The following EPAS1 variants were observed in gnomAD, a reference collection of about 807,000 sequenced individuals.
The protein encoded by EPAS1 is endothelial PAS domain-containing protein 1.
Under a neutral mutation model 87.9 loss-of-function variants are expected in EPAS1, and 23 were observed. That is an observed-to-expected ratio of 0.26 (90% CI 0.19 to 0.37). The LOEUF is 0.37. Among genes scored for constraint, EPAS1 ranks in the 10% least tolerant of loss-of-function variants. EPAS1 has a pLI of 1.00. For missense variants in EPAS1, 1,138 were observed against 1,120.7 expected (o/e 1.02, Z -0.22); for synonymous variants, 508 against 444.3 (o/e 1.14, Z -1.80).
chr2:46,299,830 A>AGT (rs1426170999), intron 1 of EPAS1, among the ~76,000 whole-genome samples: 1 of 152,174 alleles, frequency 6.6e-6, no homozygotes, highest in Non-Finnish European at 1.5e-5. Flanking sequence ...TTGGAAAGAG[A>AGT]GAAGAAGCGG....
chr2:46,363,755 T>G (rs79480530), intron 6 of EPAS1, among the ~76,000 whole-genome samples: 2 of 152,314 alleles, frequency 1.3e-5, no homozygotes, highest in East Asian at 3.9e-4. Context: ...GCTTATAAGT[T>G]CTGCGAGACA....
At chr2:46,354,941 G>T (rs1438444806) in intron 2 of EPAS1, among the ~76,000 whole-genome samples, 1 of 152,138 alleles carries the variant, frequency 6.6e-6, no homozygotes, top group African/African-American at 2.4e-5. Flanking sequence ...TGGTTCAGAA[G>T]GCCCTTCTTG....
intron 1 of EPAS1, among the ~76,000 whole-genome samples, chr2:46,310,285 T>A (rs1395143719): frequency 6.6e-6 from 1 of 152,208 alleles, no homozygotes; most frequent in Non-Finnish European, 1.5e-5. Flanking sequence ...CATTATTTGA[T>A]AAGGCTCTCA....
chr2:46,384,709 C>G lies in EPAS1; in HGVS notation c.*49C>G. ...ACCTCTGCCGACGCCGTCCCACCAGCTTCACTCTCTCCGTCTGTTTTTGCA... is the reference window on the plus strand; with the variant it reads ...ACCTCTGCCGACGCCGTCCCACCAGGTTCACTCTCTCCGTCTGTTTTTGCA... On this transcript the variant is annotated 3_prime_UTR_variant, in exon 16 of 16. Transcript: ENST00000263734. The G allele has an allele frequency of 6.2e-7, 1 of 1,602,852 alleles. No homozygotes were observed. The highest frequency in any genetic ancestry group is 8.5e-7 in the Non-Finnish European group (1 of 1,176,240).
intron 1 of EPAS1, among the ~76,000 whole-genome samples, chr2:46,328,706 C>T (rs1335660826): frequency 6.6e-6 from 1 of 152,210 alleles, no homozygotes; most frequent in Non-Finnish European, 1.5e-5. Flanking sequence ...TCAGAACGTA[C>T]CTTCAGCAAT....
intron 4 of EPAS1, 23 bp downstream of exon 4, chr2:46,356,831 C>A (rs774555938): frequency 6.4e-7 from 1 of 1,555,584 alleles, no homozygotes; most frequent in South Asian, 1.1e-5. Context: ...GTGTTTACTT[C>A]CTTCTTGCCC....
At chr2:46,327,061 T>G (rs1683577174) in intron 1 of EPAS1, among the ~76,000 whole-genome samples, 1 of 152,230 alleles carries the variant, frequency 6.6e-6, no homozygotes. Context: ...GGTCTCAGCT[T>G]CAGGACCAGC....
chr2:46,318,249 A>G (rs1486959321), intron 1 of EPAS1, among the ~76,000 whole-genome samples: 1 of 152,118 alleles, frequency 6.6e-6, no homozygotes, highest in East Asian at 1.9e-4. Flanking sequence ...CAGAACACAC[A>G]CAACATTTAT....
Position 46,381,721 on chromosome 2 carries a change from G to T in EPAS1, c.2171G>T (p.Gly724Val). 6.2e-7 allele frequency: 1 copy of T among 1,613,800 alleles called. No homozygotes were observed. The highest frequency in any genetic ancestry group is 1.1e-5 in the South Asian group (1 of 91,076). Residue 724 changes from glycine to valine, a missense_variant and splice_region_variant, in exon 13 of 16, where the codon GGG (glycine) becomes GTG (valine). This residue lies in a region of EPAS1 where 502 missense variants were observed against 427.1 expected (regional missense o/e 1.18). Coordinates refer to ENST00000263734, the MANE Select transcript of EPAS1 (RefSeq NM_001430.5). ...GAGCAAGCCTTCCAGGACCTGAGCGGGGTGAGTCATCCCCACTGGCCACAG... is the reference window on the plus strand; with the variant it reads ...GAGCAAGCCTTCCAGGACCTGAGCGTGGTGAGTCATCCCCACTGGCCACAG... The part of the protein sequence containing the change: ...YEEQAFQDLS[G>V]GDPPGGSTSH...
intron 1 of EPAS1, among the ~76,000 whole-genome samples, chr2:46,318,057 G>A (rs1417057477): frequency 6.6e-6 from 1 of 152,158 alleles, no homozygotes; most frequent in Non-Finnish European, 1.5e-5. Context: ...GATTTAAAGT[G>A]AGAGATGTGA....
At chr2:46,366,256 T>C (rs1641502829) in intron 6 of EPAS1, among the ~76,000 whole-genome samples, 1 of 152,254 alleles carries the variant, frequency 6.6e-6, no homozygotes, top group African/African-American at 2.4e-5. Context: ...AGAATAATTT[T>C]TTTGCGAGCA....
At chr2:46,320,125 CTTA>C (rs1386891084) in intron 1 of EPAS1, among the ~76,000 whole-genome samples, 2 of 152,188 alleles carry the variant, frequency 1.3e-5, no homozygotes, top group African/African-American at 4.8e-5. Context: ...TGGCCAGACT[CTTA>C]TTACACCAAA....
intron 15 of EPAS1, among the ~76,000 whole-genome samples, chr2:46,383,408 A>T (rs955101915): frequency 6.6e-6 from 1 of 152,178 alleles, no homozygotes; most frequent in African/African-American, 2.4e-5. Context: ...TGTCTTCATG[A>T]GGTTTGTTTG....
At position 46,334,243 on chromosome 2, in the gene EPAS1, C is replaced by T. The variant is rs145136274; in HGVS notation, c.27-12630C>T. Among the ~76,000 whole-genome samples the T allele has an allele frequency of 2.5e-3, 387 of 152,330 alleles. 1 individual carries two copies. Among genetic ancestry groups the T allele is most frequent in the African/African-American group, 9.1e-3 (380 of 41,584 alleles). Reference sequence around the variant, plus strand: ...GGCACCTCAGCCACTAATCAGACAACAGGCTAGGCAATTATCCGGGCATCT... The same window carrying T: ...GGCACCTCAGCCACTAATCAGACAATAGGCTAGGCAATTATCCGGGCATCT... On this transcript the variant is annotated intron_variant, in intron 1 of 15. Coordinates refer to ENST00000263734, the MANE Select transcript of EPAS1 (RefSeq NM_001430.5).
chr2:46,348,177 A>C (rs909854287), intron 2 of EPAS1, among the ~76,000 whole-genome samples: 2 of 152,218 alleles, frequency 1.3e-5, no homozygotes, highest in Non-Finnish European at 2.9e-5. Context: ...ACGACAGCTC[A>C]GTGGGCCTGG....
chr2:46,297,991 G>T, intron 1 of EPAS1, 54 bp downstream of exon 1: 1 of 1,601,086 alleles, frequency 6.2e-7, no homozygotes, highest in Non-Finnish European at 8.5e-7. Flanking sequence ...GGGCCGGGCT[G>T]CGCGGGGCAG....
chr2:46,376,503 T>C, intron 8 of EPAS1, 36 bp from the exon 9 acceptor site: 3 of 1,608,880 alleles, frequency 1.9e-6, no homozygotes, highest in Non-Finnish European at 2.6e-6. Flanking sequence ...TTCTAGAAAA[T>C]GTGGAAAGTC....
At chr2:46,339,745 C>T (rs1683870758) in intron 1 of EPAS1, among the ~76,000 whole-genome samples, 1 of 152,212 alleles carries the variant, frequency 6.6e-6, no homozygotes, top group Non-Finnish European at 1.5e-5. Context: ...TTTCATTTCT[C>T]ATGGTTCTGG....
chr2:46,352,889 C>T (rs1412150639), intron 2 of EPAS1, among the ~76,000 whole-genome samples: 1 of 152,222 alleles, frequency 6.6e-6, no homozygotes, highest in Non-Finnish European at 1.5e-5. Flanking sequence ...CTGCTGTAGC[C>T]GATTTCGCCA....
Sources: gnomAD v4.1 joint callset for allele counts (sites outside exome capture counted in the v4.1 genomes callset) on GRCh38, gnomAD v4.1.1 for gene constraint, gnomAD v4.1.1 regional missense constraint, MANE v1.5 for transcripts, NCBI Gene and HGNC (gene_info 2026-07-23, HGNC 2026-07-21) for gene names.